MRE11: variants seen among roughly 807,000 people sequenced by gnomAD.
MRE11 encodes the protein double-strand break repair protein MRE11.
In MRE11, 62 loss-of-function variants were observed where a neutral mutation model predicts 91.7. The observed-to-expected ratio is 0.68, with a 90% CI of 0.55 to 0.84. The LOEUF (loss-of-function observed/expected upper bound fraction) is 0.84. Ranked by LOEUF, MRE11 falls within the 40% of genes least tolerant of loss-of-function variation. The probability of loss-of-function intolerance (pLI) is 0.00; values close to 1 mark genes in which losing one functional copy is unlikely to be tolerated. For synonymous variants in MRE11, 273 were observed against 271.4 expected (o/e 1.01, Z -0.06); for missense variants, 796 against 852.9 (o/e 0.93, Z 0.83).
Position 94,419,318 on chromosome 11 carries a change from C to G in MRE11, c.*807G>C. The G allele has an allele frequency of 4.3e-6, 1 of 232,984 alleles. No individual in the cohort carries two copies. The highest frequency in any genetic ancestry group is 8.5e-6 in the Non-Finnish European group (1 of 117,940). The allele number at this position is 232,984 out of a possible 1,614,324, so 14.4% of individuals were successfully genotyped here. A position where few individuals can be genotyped will look rare whatever the true frequency, so the allele number is the denominator to read the frequency against. On this transcript the variant is annotated 3_prime_UTR_variant, in exon 20 of 20. Transcript: ENST00000323929. ...CTTTACTGTAAGGTTCAACTGACCACTCTACCTAAAACAAATTCTTCAATA... is the reference window on the plus strand; with the variant it reads ...CTTTACTGTAAGGTTCAACTGACCAGTCTACCTAAAACAAATTCTTCAATA...
At chr11:94,475,798 T>C (rs905525865) in intron 7 of MRE11, among the ~76,000 whole-genome samples, 1 of 152,146 alleles carries the variant, frequency 6.6e-6, no homozygotes, top group Non-Finnish European at 1.5e-5. Context: ...AAAGCATAAC[T>C]GTACACATCA....
intron 7 of MRE11, 55 bp from the exon 8 acceptor site, chr11:94,471,814 T>C (rs1946724642): frequency 3.7e-6 from 5 of 1,359,428 alleles, no homozygotes; most frequent in Non-Finnish European, 5.1e-6. Flanking sequence ...TTTCATATTA[T>C]TGAAGTCTAT....
At chr11:94,462,594 G>A (rs1208409707) in intron 11 of MRE11, among the ~76,000 whole-genome samples, 2 of 151,888 alleles carry the variant, frequency 1.3e-5, no homozygotes, top group South Asian at 2.1e-4. Flanking sequence ...ATAGACCAAC[G>A]GAACAGAACA....
At position 94,418,123 on chromosome 11, in the gene MRE11, C is replaced by T. The variant is rs904753226; in HGVS notation, c.*2002G>A. 1.3e-5 allele frequency: 3 copies of T among 232,838 alleles called. No homozygotes were observed. The highest frequency in any genetic ancestry group is 5.6e-5 in the Admixed American group (1 of 17,762). The allele number at this position is 232,838 out of a possible 1,614,324, so 14.4% of individuals were successfully genotyped here. On this transcript the variant is annotated 3_prime_UTR_variant, in exon 20 of 20. Coordinates refer to ENST00000323929, the MANE Select transcript of MRE11 (RefSeq NM_005591.4). ...TGTTAGAAACAAAAAACAAAACTCCCCTAAAACCAACAGATTTTGCAGGAT... is the reference window on the plus strand; with the variant it reads ...TGTTAGAAACAAAAAACAAAACTCCTCTAAAACCAACAGATTTTGCAGGAT...
intron 2 of MRE11, chr11:94,492,576 C>T: frequency 1.2e-6 from 1 of 867,270 alleles, no homozygotes; most frequent in Non-Finnish European, 1.8e-6. Context: ...CTGCAAGACT[C>T]CAATCTATAG....
intron 6 of MRE11, among the ~76,000 whole-genome samples, chr11:94,477,627 G>A (rs1591705256): frequency 6.6e-6 from 1 of 152,314 alleles, no homozygotes; most frequent in East Asian, 1.9e-4. Context: ...GAGGTGGAAT[G>A]TAGAACATGT....
At chr11:94,495,251 C>G (rs906986312), upstream of MRE11, among the ~76,000 whole-genome samples, 5 of 152,062 alleles carry the variant, frequency 3.3e-5, no homozygotes, top group African/African-American at 1.2e-4. Flanking sequence ...GGGGTTATGC[C>G]TAACTCTGGA....
chr11:94,451,711 G>A (rs539443480), intron 14 of MRE11, among the ~76,000 whole-genome samples: 5 of 152,172 alleles, frequency 3.3e-5, no homozygotes, highest in African/African-American at 1.2e-4. Flanking sequence ...AAACCCAAAT[G>A]TATATCTTCA....
intron 18 of MRE11, among the ~76,000 whole-genome samples, chr11:94,434,995 C>T (rs1486854562): frequency 6.6e-6 from 1 of 151,966 alleles, no homozygotes; most frequent in African/African-American, 2.4e-5. Flanking sequence ...AGTATTCAAC[C>T]AAAATGTTAA....
At chr11:94,464,566 G>C (rs1946512338) in intron 10 of MRE11, among the ~76,000 whole-genome samples, 1 of 152,108 alleles carries the variant, frequency 6.6e-6, no homozygotes, top group South Asian at 2.1e-4. Context: ...ACAATTTTCT[G>C]AACTTTCAAA....
chr11:94,423,912 G>A (rs961216520), intron 19 of MRE11, among the ~76,000 whole-genome samples: 39 of 152,296 alleles, frequency 2.6e-4, no homozygotes, highest in African/African-American at 9.1e-4. Flanking sequence ...ACGTGGGTTC[G>A]TGGGCCAGTG....
At chr11:94,469,723 T>C (rs1455803325) in intron 9 of MRE11, among the ~76,000 whole-genome samples, 2 of 152,156 alleles carry the variant, frequency 1.3e-5, no homozygotes, top group Non-Finnish European at 2.9e-5. Flanking sequence ...TTGGCTAGAT[T>C]AAATGCTGTC....
intron 4 of MRE11, among the ~76,000 whole-genome samples, chr11:94,484,493 G>A (rs894637548): frequency 1.3e-5 from 2 of 152,136 alleles, no homozygotes; most frequent in African/African-American, 4.8e-5. Context: ...ATGTCCATCA[G>A]AAGTGGAAAC....
At chr11:94,478,582 A>AT (rs1946933010) in intron 6 of MRE11, among the ~76,000 whole-genome samples, 153 bp downstream of exon 6, 1 of 152,216 alleles carries the variant, frequency 6.6e-6, no homozygotes, top group Non-Finnish European at 1.5e-5. Context: ...TTCACCAAAA[A>AT]TTTTTACCAA....
chr11:94,486,454 G>T (rs1257928707), intron 3 of MRE11, among the ~76,000 whole-genome samples: 1 of 152,156 alleles, frequency 6.6e-6, no homozygotes, highest in East Asian at 1.9e-4. Context: ...TTTATTTACA[G>T]AATTCCTACA....
In MRE11 at chr11:94,459,465, T is replaced by C. The variant is rs375077574; in HGVS notation, c.1443A>G (p.Thr481=). 4.0e-5 allele frequency: 65 copies of C among 1,614,124 alleles called. No individual in the cohort carries two copies. In the East Asian group the frequency reaches 8.7e-4, roughly 22 times the overall value. Residue 481 remains threonine (T), a synonymous_variant, in exon 13 of 20, where the codon ACA becomes ACG. Transcript: ENST00000323929. The part of the protein sequence containing the change: ...EELVKYQLEK[T]QRFLKERHID... Reference sequence around the variant, plus strand: ...TATGACGTTCTTTAAGAAATCGCTGTGTTTTTTCCAACTGGTATTTCACTA... The same window carrying C: ...TATGACGTTCTTTAAGAAATCGCTGCGTTTTTTCCAACTGGTATTTCACTA...
At chr11:94,420,882 A>G (rs987908519) in intron 19 of MRE11, among the ~76,000 whole-genome samples, 5 of 152,144 alleles carry the variant, frequency 3.3e-5, no homozygotes, top group African/African-American at 4.8e-5. Flanking sequence ...AATACAAAAA[A>G]TTGGCCGGGT....
intron 19 of MRE11, among the ~76,000 whole-genome samples, chr11:94,426,658 T>C (rs528971100): frequency 2.0e-5 from 3 of 152,174 alleles, no homozygotes; most frequent in Non-Finnish European, 2.9e-5. Flanking sequence ...GATAGGCTGC[T>C]AGCTAGATTA....
chr11:94,419,164 G>T lies in MRE11; in HGVS notation c.*961C>A. 1 of 232,668 alleles carries T rather than the reference G, an allele frequency of 4.3e-6. No homozygotes were observed. The allele number at this position is 232,668 out of a possible 1,614,324, so 14.4% of individuals were successfully genotyped here. A position where few individuals can be genotyped will look rare whatever the true frequency, so the allele number is the denominator to read the frequency against. Reference sequence around the variant, plus strand: ...CCCCGAAAACAAGTAAAAAATAGAAGCTTAACATGGGCTACTAAGATTTCT... The same window carrying T: ...CCCCGAAAACAAGTAAAAAATAGAATCTTAACATGGGCTACTAAGATTTCT... On this transcript the variant is annotated 3_prime_UTR_variant, in exon 20 of 20. Coordinates refer to ENST00000323929, the MANE Select transcript of MRE11 (RefSeq NM_005591.4).
Sources: allele counts gnomAD v4.1 joint callset (sites outside exome capture counted in the v4.1 genomes callset), GRCh38; gene constraint gnomAD v4.1.1; transcripts MANE v1.5; gene names NCBI Gene and HGNC (gene_info 2026-07-23, HGNC 2026-07-21).